The following CLEC16A variants were observed in gnomAD, a reference collection of about 807,000 sequenced individuals.
CLEC16A encodes the protein C-type lectin domain containing 16A, also known as protein CLEC16A.
CLEC16A carries 51 observed loss-of-function variants against 109.5 expected under a neutral mutation model. The observed-to-expected ratio is 0.47, with a 90% CI of 0.37 to 0.59. The LOEUF is 0.59. Among genes scored for constraint, CLEC16A ranks in the 20% least tolerant of loss-of-function variants. The pLI, the probability that CLEC16A is intolerant of heterozygous loss-of-function variation, is 0.00. For missense variants in CLEC16A, 1,339 were observed against 1,394.0 expected, an observed-to-expected ratio of 0.96 and a Z score of 0.63; for synonymous variants, 673 against 564.2, an observed-to-expected ratio of 1.19 and a Z score of -2.73.
At chr16:11,023,833 C>T (rs559161745) in intron 12 of CLEC16A, among the ~76,000 whole-genome samples, 2 of 152,164 alleles carry the variant, frequency 1.3e-5, no homozygotes, top group Non-Finnish European at 1.5e-5. Flanking sequence ...TTCTCTTGGC[C>T]TCAGCCTGGC....
intron 14 of CLEC16A, chr16:11,041,278 G>A (rs560499447): frequency 2.0e-5 from 3 of 152,222 alleles, no homozygotes; most frequent in Non-Finnish European, 2.9e-5. Context: ...ACTGTGCCTC[G>A]TTCACAGTGG....
At chr16:11,117,305 C>A (rs552053216) in intron 19 of CLEC16A, among the ~76,000 whole-genome samples, 3 of 152,096 alleles carry the variant, frequency 2.0e-5, no homozygotes, top group Non-Finnish European at 4.4e-5. Flanking sequence ...AACTTTATGG[C>A]GTGTAAATTA....
Position 11,178,545 on chromosome 16 carries a change from C to T in CLEC16A, c.3017C>T (p.Ser1006Leu), listed in dbSNP as rs755950272. 2.7e-5 allele frequency: 43 copies of T among 1,612,918 alleles called. No homozygotes were observed. Among genetic ancestry groups the T allele is most frequent in the Non-Finnish European group, 3.5e-5 (41 of 1,179,850 alleles). The change falls in exon 24 of 24, where the codon TCG becomes TTG. Residue 1006 changes from serine (S) to leucine (L), a missense_variant. Physicochemically the swap from Ser to Leu is moderately radical, Grantham distance 145. Coordinates refer to ENST00000409790, the MANE Select transcript of CLEC16A (RefSeq NM_015226.3). The surrounding 1 kb of genome is among the most constrained non-coding windows in gnomAD (Gnocchi z 6.5). ...EDTADTLSVE[S>L]LTLVPPVDPH... ...ACGGCTGACACGCTGAGCGTCGAAT[C>T]GCTGACCCTTGTCCCCCCAGTTGAC...
chr16:10,961,783 C>T lies in CLEC16A; in HGVS notation c.210-672C>T, dbSNP rs1480077846. On this transcript the variant is annotated intron_variant, in intron 2 of 23. Coordinates refer to ENST00000409790, the MANE Select transcript of CLEC16A (RefSeq NM_015226.3). This position sits in a 1 kb window ranked among gnomAD's most constrained non-coding sequence, Gnocchi z 4.3. ...TCATATCTCCCCAGCCTCCTCTGTTCCGTGACTCTTTTTTAGTCTTCTGTT... is the reference window on the plus strand; with the variant it reads ...TCATATCTCCCCAGCCTCCTCTGTTTCGTGACTCTTTTTTAGTCTTCTGTT... 1.3e-5 allele frequency among the ~76,000 whole-genome samples: 2 copies of T among 152,164 alleles called. No homozygotes were observed. Among genetic ancestry groups the T allele is most frequent in the Non-Finnish European group, 2.9e-5 (2 of 68,028 alleles).
At chr16:11,121,640 G>C (rs1395162335) in intron 20 of CLEC16A, among the ~76,000 whole-genome samples, 1 of 151,824 alleles carries the variant, frequency 6.6e-6, no homozygotes, top group East Asian at 1.9e-4. Flanking sequence ...AGCACTTTGA[G>C]GGGCCAAGTC....
intron 23 of CLEC16A, among the ~76,000 whole-genome samples, chr16:11,170,921 C>T (rs976603700): frequency 2.6e-5 from 4 of 152,182 alleles, no homozygotes; most frequent in Non-Finnish European, 5.9e-5. Flanking sequence ...GAGGTGGCAT[C>T]GCTGCAGATG....
Position 10,954,634 on chromosome 16 carries a change from T to C in CLEC16A, c.81-3148T>C, listed in dbSNP as rs1454408888. ...AACCTGCTCAGGATCACCCAGCTAA[T>C]AAGTGATGGAGGTGTGCTCAGACCC... On this transcript the variant is annotated intron_variant, in intron 1 of 23. Coordinates refer to ENST00000409790, the MANE Select transcript of CLEC16A (RefSeq NM_015226.3). The surrounding 1 kb of genome is among the most constrained non-coding windows in gnomAD (Gnocchi z 4.2). Among the ~76,000 whole-genome samples, 2 of 152,194 alleles carry C rather than the reference T, an allele frequency of 1.3e-5. No homozygotes were observed. Among genetic ancestry groups the C allele is most frequent in the African/African-American group, 4.8e-5 (2 of 41,442 alleles).
chr16:11,132,913 A>G (rs191980584), intron 22 of CLEC16A, among the ~76,000 whole-genome samples: 30 of 152,280 alleles, frequency 2.0e-4, no homozygotes, highest in Admixed American at 1.8e-3. Flanking sequence ...TGTTTTCCCA[A>G]CAGACTGTAA....
intron 11 of CLEC16A, among the ~76,000 whole-genome samples, chr16:11,010,790 C>T (rs2045358180): frequency 6.6e-6 from 1 of 152,222 alleles, no homozygotes; most frequent in African/African-American, 2.4e-5. Context: ...TGTCACGCCT[C>T]CAGCCTCCTT....
intron 19 of CLEC16A, among the ~76,000 whole-genome samples, chr16:11,104,763 G>T (rs1309890573): frequency 3.9e-5 from 6 of 152,106 alleles, no homozygotes; most frequent in Non-Finnish European, 8.8e-5. Context: ...GCCTCTGAAG[G>T]GTCACCCAGT....
At chr16:11,147,530 G>A (rs902401018) in intron 22 of CLEC16A, among the ~76,000 whole-genome samples, 2 of 152,350 alleles carry the variant, frequency 1.3e-5, no homozygotes, top group East Asian at 3.9e-4. Flanking sequence ...GGAGTAAAGT[G>A]TTTGTAATCC....
At chr16:11,084,914 G>A (rs146533273) in intron 19 of CLEC16A, among the ~76,000 whole-genome samples, 1 of 152,210 alleles carries the variant, frequency 6.6e-6, no homozygotes, top group African/African-American at 2.4e-5. Flanking sequence ...AGGCAGAAAG[G>A]GCCCATGGCC....
chr16:11,104,722 G>A (rs2051117414), intron 19 of CLEC16A, among the ~76,000 whole-genome samples: 1 of 152,186 alleles, frequency 6.6e-6, no homozygotes, highest in African/African-American at 2.4e-5. Context: ...CTACAAAGTA[G>A]GGGTGTCCTC....
At chr16:10,977,995 C>T (rs555108100) in intron 8 of CLEC16A, among the ~76,000 whole-genome samples, 1 of 152,316 alleles carries the variant, frequency 6.6e-6, no homozygotes, top group East Asian at 1.9e-4. Context: ...TTCTGTGCAT[C>T]CTTCCCTGAA....
At chr16:10,958,038 T>A in intron 2 of CLEC16A, 128 bp downstream of exon 2, 2 of 828,782 alleles carry the variant, frequency 2.4e-6, no homozygotes, top group Non-Finnish European at 3.6e-6. Flanking sequence ...GATATCTATC[T>A]CTGTCTAGCT....
chr16:11,150,646 G>A (rs2054257586), intron 22 of CLEC16A, among the ~76,000 whole-genome samples: 1 of 152,176 alleles, frequency 6.6e-6, no homozygotes, highest in Admixed American at 6.5e-5. Flanking sequence ...CATTCTTGAT[G>A]ACTGCATAAT....
Position 11,003,065 on chromosome 16 carries a change from C to G in CLEC16A, c.1072-9C>G. The stretch of plus-strand genomic sequence containing the variant: ...AAATTCACCTGTTGCCTTCGTTGGA[C>G]TTTCCTAGGCCAAGCCCAGCATTCG... On this transcript the variant is annotated splice_polypyrimidine_tract_variant and intron_variant, in intron 10 of 23. Coordinates refer to ENST00000409790, the MANE Select transcript of CLEC16A (RefSeq NM_015226.3). The G allele has an allele frequency of 6.3e-7, 1 of 1,597,146 alleles. No individual in the cohort carries two copies. The highest frequency in any genetic ancestry group is 1.4e-5 in the African/African-American group (1 of 73,920).
At chr16:11,132,791 A>C (rs2053305731) in intron 22 of CLEC16A, among the ~76,000 whole-genome samples, 1 of 152,174 alleles carries the variant, frequency 6.6e-6, no homozygotes, top group East Asian at 1.9e-4. Context: ...GACAGTGCTC[A>C]TGGATGCCTA....
intron 19 of CLEC16A, among the ~76,000 whole-genome samples, chr16:11,088,363 G>A (rs1283813243): frequency 6.6e-6 from 1 of 152,186 alleles, no homozygotes; most frequent in Non-Finnish European, 1.5e-5. Flanking sequence ...CCCACACCAG[G>A]GTATCTGAAA....
Sources: gnomAD v4.1 joint callset for allele counts (sites outside exome capture counted in the v4.1 genomes callset) on GRCh38, gnomAD v4.1.1 for gene constraint, Gnocchi (gnomAD v3.1) non-coding constraint, MANE v1.5 for transcripts, NCBI Gene and HGNC (gene_info 2026-07-23, HGNC 2026-07-21) for gene names.